Variants in CELSR1 observed in about 807,000 individuals in gnomAD.
CELSR1 encodes the protein adhesion G protein-coupled receptor C1.
A neutral mutation model predicts 249.1 loss-of-function variants in CELSR1; 110 were observed. That is an observed-to-expected ratio of 0.44 (90% CI 0.38 to 0.52). CELSR1 has a LOEUF of 0.52. Among genes scored for constraint, CELSR1 ranks in the 20% least tolerant of loss-of-function variants. CELSR1 has a pLI of 0.00. For missense variants in CELSR1, 4,109 were observed against 4,296.4 expected (o/e 0.96, Z 1.22); for synonymous variants, 2,113 against 1,900.0 (o/e 1.11, Z -2.92).
In CELSR1 at chr22:46,390,632, C is replaced by A. The variant is rs1234205163; in HGVS notation, c.6251-146G>T. 2 of 629,702 alleles carry A rather than the reference C, an allele frequency of 3.2e-6. No individual in the cohort carries two copies. The highest frequency in any genetic ancestry group is 2.9e-5 in the Admixed American group (1 of 34,706). 39.0% of individuals were successfully genotyped at this position (629,702 alleles called of 1,614,324 possible). ...ATGGGGGCCAGGAGGTCGACACCAGCGCCCCTCTTTCATGTCAGGGCCACG... is the reference window on the plus strand; with the variant it reads ...ATGGGGGCCAGGAGGTCGACACCAGAGCCCCTCTTTCATGTCAGGGCCACG... On this transcript the variant is annotated intron_variant, in intron 16 of 34. Transcript: ENST00000674500. This position sits in a 1 kb window ranked among gnomAD's most constrained non-coding sequence, Gnocchi z 6.3.
Position 46,529,107 on chromosome 22 carries a change from T to G in CELSR1, c.3544+4520A>C, listed in dbSNP as rs766320245. ...GGTGAAACCCCGTCTCTACTAAAAATACAAAAAAATTAGCTGGGTGTGGTG... is the reference window on the plus strand; with the variant it reads ...GGTGAAACCCCGTCTCTACTAAAAAGACAAAAAAATTAGCTGGGTGTGGTG... On this transcript the variant is annotated intron_variant, in intron 1 of 34. Coordinates refer to ENST00000674500, the MANE Select transcript of CELSR1 (RefSeq NM_001378328.1). Among the ~76,000 whole-genome samples the G allele has an allele frequency of 5.4e-4, 81 of 150,718 alleles. 1 individual carries two copies. The highest frequency in any genetic ancestry group is 1.2e-4 in the Non-Finnish European group (8 of 67,694).
Position 46,445,721 on chromosome 22 carries a change from G to A in CELSR1, c.4184-6310C>T, listed in dbSNP as rs2079811249. On this transcript the variant is annotated intron_variant, in intron 2 of 34. Coordinates refer to ENST00000674500, the MANE Select transcript of CELSR1 (RefSeq NM_001378328.1). The surrounding 1 kb of genome is among the most constrained non-coding windows in gnomAD (Gnocchi z 4.4). Reference sequence around the variant, plus strand: ...TGCAATCGCGTACATTCTAGCCTCTGCAAACCCGGTGCCCCGAGAGCAGCA... The same window carrying A: ...TGCAATCGCGTACATTCTAGCCTCTACAAACCCGGTGCCCCGAGAGCAGCA... 6.6e-6 allele frequency among the ~76,000 whole-genome samples: 1 copy of A among 152,204 alleles called. No individual in the cohort carries two copies. Among genetic ancestry groups the A allele is most frequent in the Non-Finnish European group, 1.5e-5 (1 of 68,034 alleles).
chr22:46,532,137 G>T (rs1185920787), intron 1 of CELSR1, among the ~76,000 whole-genome samples: 1 of 152,168 alleles, frequency 6.6e-6, no homozygotes, highest in Non-Finnish European at 1.5e-5. Flanking sequence ...AAACATCCCT[G>T]CCCCCAGCAT....
Position 46,490,338 on chromosome 22 carries a change from G to A in CELSR1, c.3545-25993C>T, listed in dbSNP as rs1385924615. Among the ~76,000 whole-genome samples the A allele has an allele frequency of 1.3e-5, 2 of 152,120 alleles. No individual in the cohort carries two copies. ...GTCTCGCTCTGCCACCCAGGCTGGA[G>A]TACAGCGGCGCAATCTTGGCTCACT... On this transcript the variant is annotated intron_variant, in intron 1 of 34. Coordinates refer to ENST00000674500, the MANE Select transcript of CELSR1 (RefSeq NM_001378328.1). This position sits in a 1 kb window ranked among gnomAD's most constrained non-coding sequence, Gnocchi z 5.2.
intron 1 of CELSR1, chr22:46,481,638 G>A (rs897361112): frequency 1.0e-5 from 7 of 671,798 alleles, no homozygotes; most frequent in African/African-American, 1.8e-5. Flanking sequence ...AGCTGGTGCT[G>A]CACCAGAACA....
At chr22:46,379,377 T>C (rs777457527) in intron 22 of CELSR1, among the ~76,000 whole-genome samples, 2 of 152,206 alleles carry the variant, frequency 1.3e-5, no homozygotes, top group Non-Finnish European at 2.9e-5. Context: ...GATCCTTACT[T>C]TGCTAATCTG....
Position 46,484,896 on chromosome 22 carries a change from G to A in CELSR1, c.3545-20551C>T, listed in dbSNP as rs1212995126. On this transcript the variant is annotated intron_variant, in intron 1 of 34. Transcript: ENST00000674500. The surrounding 1 kb of genome is among the most constrained non-coding windows in gnomAD (Gnocchi z 4.5). The stretch of plus-strand genomic sequence containing the variant: ...GAAAAGATCAAATATTGGCCCAGAC[G>A]TCTATTAATTTGCAACTTGCATTGA... Among the ~76,000 whole-genome samples the A allele has an allele frequency of 6.6e-6, 1 of 151,220 alleles. No individual in the cohort carries two copies. The highest frequency in any genetic ancestry group is 1.5e-5 in the Non-Finnish European group (1 of 67,942).
intron 1 of CELSR1, among the ~76,000 whole-genome samples, chr22:46,480,308 G>A (rs2147659132): frequency 6.6e-6 from 1 of 152,300 alleles, no homozygotes. Flanking sequence ...CTCCCAAGAA[G>A]AGGTCCATGT....
rs1602050521 is a variant in CELSR1, at chr22:46,381,739, T to G, written c.7088+107A>C. 2 of 1,045,770 alleles carry G rather than the reference T, an allele frequency of 1.9e-6. No homozygotes were observed. The highest frequency in any genetic ancestry group is 2.6e-5 in the Admixed American group (1 of 38,170). The allele number at this position is 1,045,770 out of a possible 1,614,324, so 64.8% of individuals were successfully genotyped here. A position where few individuals can be genotyped will look rare whatever the true frequency, so the allele number is the denominator to read the frequency against. On this transcript the variant is annotated intron_variant, in intron 21 of 34. Transcript: ENST00000674500. The surrounding 1 kb of genome is among the most constrained non-coding windows in gnomAD (Gnocchi z 6.0). ...TCTCTGGGCCAGGGTCACGGTGAAA[T>G]GTCACTGTGAAGACCTGTGCTTGAT...
chr22:46,364,435 C>T, intron 33 of CELSR1, 77 bp downstream of exon 33: 1 of 1,528,278 alleles, frequency 6.5e-7, no homozygotes, highest in East Asian at 2.3e-5. Flanking sequence ...GCCCCAGCCC[C>T]ACTCCCACCT....
chr22:46,470,241 C>T (rs28549144), intron 1 of CELSR1, among the ~76,000 whole-genome samples: 4,119 of 151,430 alleles, frequency 0.027, 140 homozygotes, highest in African/African-American at 0.081. Context: ...TGGCCCAATA[C>T]GCAAAGGCCA....
At chr22:46,385,822 C>T (rs557542003) in intron 19 of CELSR1, among the ~76,000 whole-genome samples, 6 of 152,112 alleles carry the variant, frequency 3.9e-5, no homozygotes, top group South Asian at 2.1e-4. Flanking sequence ...GGACTACAAA[C>T]GCCCACCACC....
In CELSR1 at chr22:46,399,927, CTGAT is replaced by C; in HGVS notation, c.5227-29_5227-26del. 1 of 1,610,860 alleles carries C rather than the reference CTGAT, an allele frequency of 6.2e-7. No individual in the cohort carries two copies. The highest frequency in any genetic ancestry group is 8.5e-7 in the Non-Finnish European group (1 of 1,177,570). On this transcript the variant is annotated intron_variant, in intron 9 of 34. Transcript: ENST00000674500. The surrounding 1 kb of genome is among the most constrained non-coding windows in gnomAD (Gnocchi z 5.0). ...TCTGGAGCAGGGAGAGCCACACCGA[CTGAT>C]TGGTACAATGACAATGAAAGAGAAA...
rs139923903 is a variant in CELSR1, at chr22:46,464,761, T to C, written c.3545-416A>G. 6.2e-4 allele frequency among the ~76,000 whole-genome samples: 95 copies of C among 152,050 alleles called. No individual in the cohort carries two copies. Among genetic ancestry groups the C allele is most frequent in the Admixed American group, 8.5e-4 (13 of 15,272 alleles). On this transcript the variant is annotated intron_variant, in intron 1 of 34. Coordinates refer to ENST00000674500, the MANE Select transcript of CELSR1 (RefSeq NM_001378328.1). The surrounding 1 kb of genome is among the most constrained non-coding windows in gnomAD (Gnocchi z 8.5). ...GGACTTGAAGCCCCCTTCTACCTCC[T>C]CTGCACCTGCCCTGGCCTCCAGGGA...
At position 46,390,420 on chromosome 22, in the gene CELSR1, G is replaced by A. The variant is rs1279723541; in HGVS notation, c.6317C>T (p.Thr2106Ile). The change falls in exon 17 of 35, where the codon ACC becomes ATC. Residue 2106 changes from threonine (T) to isoleucine (I), a missense_variant. Thr to Ile is a moderately conservative substitution (Grantham distance 89). Coordinates refer to ENST00000674500, the MANE Select transcript of CELSR1 (RefSeq NM_001378328.1). This position sits in a 1 kb window ranked among gnomAD's most constrained non-coding sequence, Gnocchi z 6.3. The part of the protein sequence containing the change: ...WLPPELFNCT[T>I]ISFVDLRAMN... ...GGCCCTGAGGTCCACGAAGGAGATG[G>A]TGGTACAGTTAAAGAGCTCTGGGGG... The A allele has an allele frequency of 1.9e-6, 3 of 1,613,836 alleles. No individual in the cohort carries two copies. The highest frequency in any genetic ancestry group is 1.6e-4 in the Middle Eastern group (1 of 6,062).
At chr22:46,525,842 C>G (rs995007205) in intron 1 of CELSR1, among the ~76,000 whole-genome samples, 6 of 152,236 alleles carry the variant, frequency 3.9e-5, no homozygotes, top group African/African-American at 1.4e-4. Context: ...CAGCCCAAAC[C>G]CAAGGGGACC....
Position 46,517,572 on chromosome 22 carries a change from C to A in CELSR1, c.3544+16055G>T, listed in dbSNP as rs1292641656. Among the ~76,000 whole-genome samples the A allele has an allele frequency of 6.6e-6, 1 of 152,174 alleles. No individual in the cohort carries two copies. The highest frequency in any genetic ancestry group is 1.5e-5 in the Non-Finnish European group (1 of 68,028). On this transcript the variant is annotated intron_variant, in intron 1 of 34. Coordinates refer to ENST00000674500, the MANE Select transcript of CELSR1 (RefSeq NM_001378328.1). This position sits in a 1 kb window ranked among gnomAD's most constrained non-coding sequence, Gnocchi z 5.4. Reference sequence around the variant, plus strand: ...CAGTAAGGTGCCCCTGCAGACACGCCGCAAAACACGCCCCTGAGCTTCCCG... The same window carrying A: ...CAGTAAGGTGCCCCTGCAGACACGCAGCAAAACACGCCCCTGAGCTTCCCG...
rs2078973054 is a variant in CELSR1 at position 46,381,058 on chromosome 22, G to T, written c.7089-103C>A. The T allele has an allele frequency of 2.4e-6, 3 of 1,248,786 alleles. No homozygotes were observed. The highest frequency in any genetic ancestry group is 1.5e-5 in the African/African-American group (1 of 66,646). The allele number at this position is 1,248,786 out of a possible 1,614,324, so 77.4% of individuals were successfully genotyped here. A position where few individuals can be genotyped will look rare whatever the true frequency, so the allele number is the denominator to read the frequency against. ...AGGACACGCCATGATGTGTTTCTAG[G>T]GGAGACAGAATCACACTCCGAGAGC... On this transcript the variant is annotated intron_variant, in intron 21 of 34. Coordinates refer to ENST00000674500, the MANE Select transcript of CELSR1 (RefSeq NM_001378328.1). The surrounding 1 kb of genome is among the most constrained non-coding windows in gnomAD (Gnocchi z 6.0).
At chr22:46,467,548 C>T (rs1392949391) in intron 1 of CELSR1, among the ~76,000 whole-genome samples, 2 of 151,952 alleles carry the variant, frequency 1.3e-5, no homozygotes, top group Non-Finnish European at 2.9e-5. Flanking sequence ...AGGAGCCGGG[C>T]GTGGTGGCTC....
Sources: gnomAD v4.1 joint callset for allele counts (sites outside exome capture counted in the v4.1 genomes callset) on GRCh38, gnomAD v4.1.1 for gene constraint, Gnocchi (gnomAD v3.1) non-coding constraint, MANE v1.5 for transcripts, NCBI Gene and HGNC (gene_info 2026-07-23, HGNC 2026-07-21) for gene names.